The following CCDC157 variants were observed in gnomAD, a reference collection of about 807,000 sequenced individuals.
CCDC157 encodes the protein coiled-coil domain-containing protein 157.
CCDC157 carries 60 observed loss-of-function variants against 70.9 expected under a neutral mutation model. The observed-to-expected ratio is 0.85, with a 90% CI of 0.69 to 1.05. CCDC157 has a LOEUF of 1.05. CCDC157 is among the 50% of genes least tolerant of loss of function. CCDC157 has a pLI of 0.00. For missense variants in CCDC157, 943 were observed against 984.2 expected (o/e 0.96, Z 0.56); for synonymous variants, 373 against 422.4 (o/e 0.88, Z 1.43).
chr22:30,375,844 C>G (rs1933314583), intron 10 of CCDC157, 181 bp downstream of exon 10: 1 of 614,786 alleles, frequency 1.6e-6, no homozygotes. Context: ...GATCCGATGC[C>G]TTCCAGTCCC....
chr22:30,370,782 C>T lies in CCDC157; in HGVS notation c.877C>T (p.Leu293Phe), dbSNP rs1932902131. Residue 293 changes from leucine to phenylalanine, a missense_variant, in exon 5 of 12, where the codon CTC becomes TTC. Transcript: ENST00000338306. ...LTRLSKHVEA[L>F]RAQLEEAEGQ... ...GCGCCTCAGTAAGCATGTGGAGGCC[C>T]TCAGGGCCCAGCTGGAGGAGGCTGA... The T allele has an allele frequency of 6.2e-7, 1 of 1,613,512 alleles. No homozygotes were observed. Among genetic ancestry groups the T allele is most frequent in the Non-Finnish European group, 8.5e-7 (1 of 1,180,002 alleles).
At position 30,369,541 on chromosome 22, in the gene CCDC157, G is replaced by A; in HGVS notation, c.358G>A (p.Val120Met). 1 of 1,604,798 alleles carries A rather than the reference G, an allele frequency of 6.2e-7. No individual in the cohort carries two copies. The highest frequency in any genetic ancestry group is 8.5e-7 in the Non-Finnish European group (1 of 1,175,598). Reference sequence around the variant, plus strand: ...GCCCTGCATGTCCGTGGGGCTCACGGTGCGGCGCTTCTGGGACAGCCTGCT... The same window carrying A: ...GCCCTGCATGTCCGTGGGGCTCACGATGCGGCGCTTCTGGGACAGCCTGCT... Reference protein sequence around the residue: ...AGPCMSVGLTVRRFWDSLLRL... With the variant: ...AGPCMSVGLTMRRFWDSLLRL... Residue 120 changes from valine to methionine, a missense_variant, in exon 4 of 12, where the codon GTG (valine) becomes ATG (methionine). By Grantham distance (21) the Val-to-Met change is conservative (BLOSUM62 1). Coordinates refer to ENST00000338306, the MANE Select transcript of CCDC157 (RefSeq NM_001017437.5).
intron 9 of CCDC157, chr22:30,374,873 C>T: frequency 2.5e-6 from 1 of 393,882 alleles, no homozygotes; most frequent in Non-Finnish European, 5.1e-6. Context: ...TGACCTTGGA[C>T]AGCTCACTTT....
chr22:30,376,797 T>C lies in CCDC157; in HGVS notation c.*52T>C, dbSNP rs770133772. ...GGGAGGTGGCTGGCAGCCCACCCAC[T>C]GTAATAAAGCCCCAGCCATTGGCCC... On this transcript the variant is annotated 3_prime_UTR_variant, in exon 12 of 12. Transcript: ENST00000338306. 5.2e-6 allele frequency: 8 copies of C among 1,536,616 alleles called. No individual in the cohort carries two copies. The highest frequency in any genetic ancestry group is 1.8e-4 in the Middle Eastern group (1 of 5,550).
At chr22:30,373,350 C>A in intron 7 of CCDC157, 1 of 522,040 alleles carries the variant, frequency 1.9e-6, no homozygotes, top group Non-Finnish European at 3.4e-6. Flanking sequence ...CAGCCATCTG[C>A]GTTCCAAGGG....
chr22:30,375,591 A>T lies in CCDC157; in HGVS notation c.1785A>T (p.Leu595=). 1 of 1,614,204 alleles carries T rather than the reference A, an allele frequency of 6.2e-7. No homozygotes were observed. Among genetic ancestry groups the T allele is most frequent in the Non-Finnish European group, 8.5e-7 (1 of 1,180,036 alleles). The change falls in exon 10 of 12, where the codon CTA becomes CTT. Residue 595 remains leucine (L), a synonymous_variant. Coordinates refer to ENST00000338306, the MANE Select transcript of CCDC157 (RefSeq NM_001017437.5). Reference sequence around the variant, plus strand: ...CCAACGACATCCGCATCCGGGTCCTACAGGAGGAGAACGGGCGGCTCCAAT... The same window carrying T: ...CCAACGACATCCGCATCCGGGTCCTTCAGGAGGAGAACGGGCGGCTCCAAT... ...VQSNDIRIRV[L]QEENGRLQSM... is the part of the protein sequence containing the mutation.
chr22:30,374,537 T>C, intron 9 of CCDC157: 1 of 459,806 alleles, frequency 2.2e-6, no homozygotes, highest in Non-Finnish European at 4.4e-6. Flanking sequence ...TAGGTACCCA[T>C]CTTGGCACAG....
In CCDC157 at chr22:30,366,342, G is replaced by T. The variant is rs1366283624; in HGVS notation, c.248+94G>T. On this transcript the variant is annotated intron_variant, in intron 3 of 11. Coordinates refer to ENST00000338306, the MANE Select transcript of CCDC157 (RefSeq NM_001017437.5). ...CGGAAGCCCCTCCAGAGGCAGGGGT[G>T]ATGTTGGAACAACAGTCACCATTGA... is the stretch of plus-strand genomic sequence containing the variant. 4 of 1,517,582 alleles carry T rather than the reference G, an allele frequency of 2.6e-6. No homozygotes were observed. In the African/African-American group the frequency reaches 5.5e-5, roughly 21 times the overall value. 94.0% of individuals were successfully genotyped at this position (1,517,582 alleles called of 1,614,324 possible). A position where few individuals can be genotyped will look rare whatever the true frequency, so the allele number is the denominator to read the frequency against.
At chr22:30,365,945 A>G in intron 2 of CCDC157, 45 bp from the exon 3 acceptor site, 1 of 1,517,674 alleles carries the variant, frequency 6.6e-7, no homozygotes, top group Non-Finnish European at 8.8e-7. Flanking sequence ...CTCCTGCAGC[A>G]GCCACGTGGC....
At chr22:30,357,507 T>G (rs1931980844) in intron 1 of CCDC157, among the ~76,000 whole-genome samples, 1 of 152,062 alleles carries the variant, frequency 6.6e-6, no homozygotes, top group Non-Finnish European at 1.5e-5. Context: ...TTTGTCTTTC[T>G]TTTTTCTTTT....
chr22:30,372,303 C>T lies in CCDC157; in HGVS notation c.1335+17C>T, dbSNP rs1933002602. On this transcript the variant is annotated intron_variant, in intron 7 of 11. Transcript: ENST00000338306. ...CACCAGGAGGTGAGGCCAGGGCCCT[C>T]GCTAGCCTGGGCATCTGCAATGTAG... The T allele has an allele frequency of 1.3e-6, 2 of 1,520,638 alleles. No homozygotes were observed. The highest frequency in any genetic ancestry group is 1.2e-5 in the South Asian group (1 of 80,428). 94.2% of individuals were successfully genotyped at this position (1,520,638 alleles called of 1,614,324 possible).
chr22:30,367,577 G>A (rs1932777710), intron 3 of CCDC157, among the ~76,000 whole-genome samples: 1 of 152,010 alleles, frequency 6.6e-6, no homozygotes, highest in Non-Finnish European at 1.5e-5. Flanking sequence ...GGAGGCCGTG[G>A]TGGGAGGATT....
intron 1 of CCDC157, among the ~76,000 whole-genome samples, chr22:30,359,880 C>T (rs962299455): frequency 7.9e-5 from 12 of 152,188 alleles, no homozygotes; most frequent in Non-Finnish European, 1.5e-4. Flanking sequence ...TAAGGTGTCT[C>T]ACGCCTATAA....
upstream of CCDC157, chr22:30,356,758 G>A: frequency 2.0e-6 from 3 of 1,485,378 alleles, no homozygotes; most frequent in Admixed American, 2.2e-5. Flanking sequence ...CACGGGCGGC[G>A]GCGGGGGCAC....
chr22:30,369,973 A>G, intron 4 of CCDC157: 1 of 464,292 alleles, frequency 2.2e-6, no homozygotes, highest in Non-Finnish European at 3.9e-6. Flanking sequence ...ATGGGAAGGA[A>G]ACTAAAACTG....
At chr22:30,365,333 G>A (rs182924404) in intron 2 of CCDC157, among the ~76,000 whole-genome samples, 25 of 150,754 alleles carry the variant, frequency 1.7e-4, no homozygotes, top group Admixed American at 1.5e-3. Context: ...TAGGAGGGGA[G>A]ACTGTGGGGT....
At chr22:30,368,637 C>T (rs35289401) in intron 3 of CCDC157, among the ~76,000 whole-genome samples, 43,968 of 152,130 alleles carry the variant, frequency 0.29, 6,698 homozygotes, top group Middle Eastern at 0.45. Flanking sequence ...GACACCTTGG[C>T]CAGAGAGGGG....
At chr22:30,356,833 T>C, upstream of CCDC157, 1 of 1,308,884 alleles carries the variant, frequency 7.6e-7, no homozygotes, top group South Asian at 2.0e-5. Context: ...TCGGTGTCGG[T>C]GAGCGGTGCC....
chr22:30,356,697 C>T (rs769247306), upstream of CCDC157: 21 of 1,452,408 alleles, frequency 1.4e-5, no homozygotes, highest in Non-Finnish European at 1.9e-5. Context: ...GGCCAACCCT[C>T]CGGCTGCAGG....
Sources: allele counts gnomAD v4.1 joint callset (sites outside exome capture counted in the v4.1 genomes callset), GRCh38; gene constraint gnomAD v4.1.1; transcripts MANE v1.5; gene names NCBI Gene and HGNC (gene_info 2026-07-23, HGNC 2026-07-21).